Variants in PAK1 observed in about 807,000 individuals in gnomAD.
PAK1 encodes p21 (RAC1) activated kinase 1.
Under a neutral mutation model 67.4 loss-of-function variants are expected in PAK1, and 29 were observed. The observed-to-expected ratio is 0.43, with a 90% confidence interval of 0.32 to 0.59. PAK1 has a LOEUF of 0.59. PAK1 is among the 20% of genes least tolerant of loss of function. The probability of loss-of-function intolerance (pLI) is 0.07; values close to 1 mark genes in which losing one functional copy is unlikely to be tolerated. For synonymous variants in PAK1, 223 were observed against 237.4 expected, an observed-to-expected ratio of 0.94 and a Z score of 0.56; for missense variants, 337 against 670.7, an observed-to-expected ratio of 0.50 and a Z score of 5.50.
At chr11:77,397,528 G>A (rs1459166589) in intron 1 of PAK1, among the ~76,000 whole-genome samples, 1 of 152,138 alleles carries the variant, frequency 6.6e-6, no homozygotes, top group African/African-American at 2.4e-5. Flanking sequence ...AGTGATTTGT[G>A]CCTCTTTTGA....
chr11:77,411,283 TAACA>T (rs1378503211), intron 1 of PAK1, among the ~76,000 whole-genome samples: 8 of 151,750 alleles, frequency 5.3e-5, no homozygotes, highest in South Asian at 2.1e-4. Flanking sequence ...AAAGCCAGAG[TAACA>T]AACAATGTCA....
chr11:77,348,497 T>C (rs900962462), intron 9 of PAK1, among the ~76,000 whole-genome samples: 2 of 152,156 alleles, frequency 1.3e-5, no homozygotes, highest in African/African-American at 4.8e-5. Context: ...CACTGTTCAG[T>C]GGAAAGTAAA....
At chr11:77,393,683 T>C (rs1489734524) in intron 1 of PAK1, among the ~76,000 whole-genome samples, 1 of 152,138 alleles carries the variant, frequency 6.6e-6, no homozygotes, top group Non-Finnish European at 1.5e-5. Context: ...CCACTACTTC[T>C]GAGAAACAGT....
chr11:77,439,353 T>TTA (rs1440888501), intron 1 of PAK1, among the ~76,000 whole-genome samples: 2 of 152,062 alleles, frequency 1.3e-5, no homozygotes, highest in Admixed American at 6.5e-5. Context: ...AAAGCCAAAA[T>TTA]TATATATATA....
chr11:77,342,383 T>A (rs1024460379), intron 10 of PAK1, among the ~76,000 whole-genome samples: 1 of 152,216 alleles, frequency 6.6e-6, no homozygotes, highest in African/African-American at 2.4e-5. Flanking sequence ...AGAACACAAA[T>A]TCCTTCAATA....
chr11:77,453,890 G>T (rs1270452679), intron 1 of PAK1, among the ~76,000 whole-genome samples: 1 of 152,070 alleles, frequency 6.6e-6, no homozygotes, highest in Non-Finnish European at 1.5e-5. Context: ...AGACCAGTCT[G>T]GCAATATGGC....
At chr11:77,344,110 GCAT>G in intron 9 of PAK1, 179 bp from the exon 10 acceptor site, 3 of 540,268 alleles carry the variant, frequency 5.6e-6, no homozygotes, top group Middle Eastern at 3.0e-4. Flanking sequence ...TCTCAAGCCA[GCAT>G]CATCATCATC....
intron 1 of PAK1, among the ~76,000 whole-genome samples, chr11:77,400,366 A>G (rs1404331560): frequency 6.6e-6 from 1 of 152,208 alleles, no homozygotes; most frequent in African/African-American, 2.4e-5. Flanking sequence ...GTCCATTCTA[A>G]GCAGCTCTAG....
At chr11:77,402,904 T>C (rs1219527474) in intron 1 of PAK1, among the ~76,000 whole-genome samples, 1 of 152,148 alleles carries the variant, frequency 6.6e-6, no homozygotes, top group African/African-American at 2.4e-5. Context: ...CAAACTCTCA[T>C]CTCCAAACTT....
chr11:77,407,586 G>C (rs554187600), intron 1 of PAK1, among the ~76,000 whole-genome samples: 1 of 152,108 alleles, frequency 6.6e-6, no homozygotes, highest in South Asian at 2.1e-4. Context: ...ACTTTACAAA[G>C]CATTTTCACG....
the PAK1 span, among the ~76,000 whole-genome samples, chr11:77,507,227 G>A: frequency 6.6e-6 from 1 of 152,266 alleles, no homozygotes; most frequent in South Asian, 2.1e-4. Flanking sequence ...GTGAACCTTA[G>A]AGAGACTGAT....
intron 4 of PAK1, 135 bp from the exon 5 acceptor site, chr11:77,374,500 T>C (rs752699993): frequency 9.2e-6 from 6 of 653,862 alleles, no homozygotes; most frequent in Non-Finnish European, 1.6e-5. Flanking sequence ...TACTACAGGC[T>C]AGATATCATG....
In PAK1 at chr11:77,438,207, G is replaced by C. The variant is rs576799863; in HGVS notation, c.-22+35345C>G. On this transcript the variant is annotated intron_variant, in intron 1 of 14. Coordinates refer to ENST00000356341, the MANE Select transcript of PAK1 (RefSeq NM_002576.5). ...AAGAGGGAAACAGGCACGTCACATA[G>C]CCAGAGCAGGAGCAAGAGAGAGGGG... Among the ~76,000 whole-genome samples, 14 of 152,132 alleles carry C rather than the reference G, an allele frequency of 9.2e-5. No individual in the cohort carries two copies. In the South Asian group the frequency reaches 2.1e-3, roughly 23 times the overall value.
At chr11:77,336,051 C>A in intron 13 of PAK1, 35 bp downstream of exon 13, 2 of 1,393,488 alleles carry the variant, frequency 1.4e-6, no homozygotes, top group Non-Finnish European at 2.0e-6. Flanking sequence ...GAGACAACAG[C>A]CCAAATAACT....
intron 5 of PAK1, among the ~76,000 whole-genome samples, chr11:77,361,528 T>C (rs1170502304): frequency 6.6e-6 from 1 of 152,206 alleles, no homozygotes; most frequent in Non-Finnish European, 1.5e-5. Flanking sequence ...AAGAAACCAC[T>C]GGAGGACTGT....
chr11:77,431,356 T>A (rs1025380275), intron 1 of PAK1, among the ~76,000 whole-genome samples: 2 of 152,200 alleles, frequency 1.3e-5, no homozygotes. Flanking sequence ...GATTATGCAA[T>A]AGAAGTGTTA....
At chr11:77,379,515 T>C (rs902379573) in intron 3 of PAK1, 127 bp from the exon 4 acceptor site, 2 of 808,132 alleles carry the variant, frequency 2.5e-6, no homozygotes, top group Admixed American at 5.5e-5. Flanking sequence ...TTTCTCTCTA[T>C]ACTCTCAGAG....
chr11:77,462,918 CTCAA>C (rs1158369462), intron 1 of PAK1, among the ~76,000 whole-genome samples: 4 of 132,582 alleles, frequency 3.0e-5, no homozygotes, highest in African/African-American at 8.4e-5. Flanking sequence ...CTTTCACTCA[CTCAA>C]TCAAAGTGCC....
At position 77,425,075 on chromosome 11, in the gene PAK1, T is replaced by C. The variant is rs1224197175; in HGVS notation, c.-21-32534A>G. On this transcript the variant is annotated intron_variant, in intron 1 of 14. Coordinates refer to ENST00000356341, the MANE Select transcript of PAK1 (RefSeq NM_002576.5). Reference sequence around the variant, plus strand: ...TTATTCCCCAGGATACATACTTGTTTGCAAGGCTGTTTTAAATATCTAAAA... The same window carrying C: ...TTATTCCCCAGGATACATACTTGTTCGCAAGGCTGTTTTAAATATCTAAAA... Among the ~76,000 whole-genome samples the C allele has an allele frequency of 3.9e-5, 6 of 152,242 alleles. No homozygotes were observed. The South Asian group carries it at 8.3e-4, about 21-fold the overall frequency.
Sources: gnomAD v4.1 joint callset for allele counts (sites outside exome capture counted in the v4.1 genomes callset) on GRCh38, gnomAD v4.1.1 for gene constraint, MANE v1.5 for transcripts, NCBI Gene and HGNC (gene_info 2026-07-23, HGNC 2026-07-21) for gene names.